The following LRRC56 variants were observed in gnomAD, a reference collection of about 807,000 sequenced individuals.
LRRC56 encodes leucine rich repeat containing 56.
Under a neutral mutation model 47.8 loss-of-function variants are expected in LRRC56, and 41 were observed. That is an observed-to-expected ratio of 0.86 (90% CI 0.67 to 1.11). The LOEUF is 1.11. Ranked by LOEUF, LRRC56 falls within the 50% of genes most tolerant of loss-of-function variation. The probability of loss-of-function intolerance (pLI) is 0.00; values close to 1 mark genes in which losing one functional copy is unlikely to be tolerated. For missense variants in LRRC56, 759 were observed against 704.2 expected, an observed-to-expected ratio of 1.08 and a Z score of -0.88; for synonymous variants, 387 against 311.2, an observed-to-expected ratio of 1.24 and a Z score of -2.56.
chr11:509,616 C>T, the LRRC56 span, among the ~76,000 whole-genome samples: 13 of 151,994 alleles, frequency 8.6e-5, no homozygotes, highest in Admixed American at 5.9e-4. Context: ...GGCGCGATCT[C>T]GGCTCACTGT....
chr11:533,474 C>T, upstream of LRRC56: 6 of 1,613,508 alleles, frequency 3.7e-6, no homozygotes, highest in Non-Finnish European at 5.1e-6. Flanking sequence ...TGGCCGAGGT[C>T]TCGATGTAGG....
chr11:532,884 C>CTGG, upstream of LRRC56: 1 of 889,222 alleles, frequency 1.1e-6, no homozygotes, highest in Non-Finnish European at 1.8e-6. Context: ...TTCCCCAGGC[C>CTGG]CACCACACAC....
chr11:548,522 A>G (rs1852203614), intron 6 of LRRC56, among the ~76,000 whole-genome samples: 1 of 152,166 alleles, frequency 6.6e-6, no homozygotes, highest in Non-Finnish European at 1.5e-5. Context: ...CAGTGGCGCA[A>G]TCTCAGCTCA....
the LRRC56 span, among the ~76,000 whole-genome samples, chr11:511,093 G>A: frequency 4.6e-5 from 7 of 152,064 alleles, no homozygotes; most frequent in Middle Eastern, 3.4e-3. Flanking sequence ...AGGCCGAGGC[G>A]GGCGGATCAC....
chr11:533,998 C>G (rs1172872020), upstream of LRRC56: 1 of 1,574,784 alleles, frequency 6.4e-7, no homozygotes, highest in East Asian at 2.2e-5. Context: ...GGGGGGAGTT[C>G]ACACAGCCAG....
chr11:551,711 A>G lies in LRRC56; in HGVS notation c.857A>G (p.Gln286Arg). The G allele has an allele frequency of 6.2e-7, 1 of 1,611,006 alleles. No homozygotes were observed. Among genetic ancestry groups the G allele is most frequent in the Non-Finnish European group, 8.5e-7 (1 of 1,179,046 alleles). ...LDPELSLPET[Q>R]SRASRPWPFS... ...CCCGAGCTGTCCCTGCCTGAGACGC[A>G]GTCCCGGGCCTCCAGGCCCTGGCCC... Residue 286 changes from glutamine to arginine, a missense_variant, in exon 10 of 14, where the codon CAG (glutamine) becomes CGG (arginine). By Grantham distance (43) the Gln-to-Arg change is conservative. Transcript: ENST00000270115.
upstream of LRRC56, among the ~76,000 whole-genome samples, chr11:535,752 G>A (rs1851460986): frequency 6.6e-6 from 1 of 152,234 alleles, no homozygotes; most frequent in Non-Finnish European, 1.5e-5. Flanking sequence ...CGGCCTCTCG[G>A]GGTTGGGCTT....
In LRRC56 at chr11:544,774, C is replaced by T. The variant is rs745333167; in HGVS notation, c.320C>T (p.Ser107Phe). ...QLKLNGSHLG[S>F]LRDLGTSLGH... ...AAGCTGAACGGCAGCCACCTGGGCT[C>T]CCTGAGGTGAGCGCCTGAGGGGGGT... The change falls in exon 6 of 14, where the codon TCC becomes TTC. Residue 107 changes from serine to phenylalanine, a missense_variant. Ser to Phe is a radical substitution (Grantham distance 155). Coordinates refer to ENST00000270115, the MANE Select transcript of LRRC56 (RefSeq NM_198075.4). 9 of 1,612,188 alleles carry T rather than the reference C, an allele frequency of 5.6e-6. No homozygotes were observed. The highest frequency in any genetic ancestry group is 1.7e-4 in the Middle Eastern group (1 of 6,060).
At chr11:510,486 C>T in the LRRC56 span, among the ~76,000 whole-genome samples, 26 of 152,196 alleles carry the variant, frequency 1.7e-4, no homozygotes, top group African/African-American at 5.3e-4. Flanking sequence ...ACCTGTAATC[C>T]CAGCATGTTG....
the LRRC56 span, among the ~76,000 whole-genome samples, chr11:526,709 G>A: frequency 6.6e-6 from 1 of 152,090 alleles, no homozygotes; most frequent in Non-Finnish European, 1.5e-5. Context: ...GGCCCAGGTG[G>A]GTGGATCACC....
the LRRC56 span, among the ~76,000 whole-genome samples, chr11:520,943 G>A: frequency 6.6e-6 from 1 of 152,196 alleles, no homozygotes; most frequent in African/African-American, 2.4e-5. Flanking sequence ...TTGAGACCGC[G>A]TCGGTTATTC....
At position 552,363 on chromosome 11, in the gene LRRC56, G is replaced by A. The variant is rs1589819242; in HGVS notation, c.1181+131G>A. On this transcript the variant is annotated intron_variant, in intron 12 of 13. Transcript: ENST00000270115. ...ATCCCTGCATGTCCTGTCCCGTGGG[G>A]GGATCAGGGCTGGGGCTACCTTGGC... 13 of 1,360,556 alleles carry A rather than the reference G, an allele frequency of 9.6e-6. No individual in the cohort carries two copies. In the East Asian group the frequency reaches 2.9e-4, roughly 30 times the overall value. 84.3% of individuals were successfully genotyped at this position (1,360,556 alleles called of 1,614,324 possible). A position where few individuals can be genotyped will look rare whatever the true frequency, so the allele number is the denominator to read the frequency against.
chr11:548,685 C>T (rs1468690857), intron 6 of LRRC56, among the ~76,000 whole-genome samples: 2 of 152,210 alleles, frequency 1.3e-5, no homozygotes, highest in Non-Finnish European at 2.9e-5. Flanking sequence ...GTCTAGATCT[C>T]CTGACCTCGT....
In LRRC56 at chr11:553,978, C is replaced by A. The variant is rs776447263; in HGVS notation, c.1331C>A (p.Ser444Ter). The stretch of plus-strand genomic sequence containing the variant: ...TGCTTTCTAGAGCCCTCCGGGACCT[C>A]GAGCCAGCACCTGGTCCCTTCACCT... The part of the protein sequence containing the change: ...PSLASEPSGT[S>*]SQHLVPSPPK... The change falls in exon 14 of 14, where the codon TCG (serine) becomes TAG (stop). Residue 444 changes from serine to a stop codon, truncating the protein, a stop_gained. Transcript: ENST00000270115. LOFTEE classifies it low-confidence loss of function (END_TRUNC). The A allele has an allele frequency of 6.2e-7, 1 of 1,611,962 alleles. No individual in the cohort carries two copies. The highest frequency in any genetic ancestry group is 8.5e-7 in the Non-Finnish European group (1 of 1,179,596).
intron 8 of LRRC56, 98 bp downstream of exon 8, chr11:550,370 C>T (rs909661203): frequency 1.2e-5 from 13 of 1,110,862 alleles, no homozygotes; most frequent in Admixed American, 8.3e-5. Flanking sequence ...TACTTCTGTG[C>T]CCACCCGCAC....
upstream of LRRC56, chr11:532,569 G>T: frequency 6.4e-7 from 1 of 1,574,366 alleles, no homozygotes. Context: ...CAGGAGACCG[G>T]CAGGGGCGGG....
At chr11:534,392 T>C (rs544830383), upstream of LRRC56, 23 of 1,314,918 alleles carry the variant, frequency 1.7e-5, 1 homozygote, top group East Asian at 5.2e-4. Flanking sequence ...AGGAGGGCCC[T>C]GCTCAGCCAG....
At chr11:549,476 G>T (rs1336757701) in intron 6 of LRRC56, among the ~76,000 whole-genome samples, 1 of 152,228 alleles carries the variant, frequency 6.6e-6, no homozygotes, top group African/African-American at 2.4e-5. Flanking sequence ...TCAGCACGGG[G>T]TCAGCCTCCA....
At chr11:524,562 C>T in the LRRC56 span, among the ~76,000 whole-genome samples, 7 of 151,742 alleles carry the variant, frequency 4.6e-5, no homozygotes, top group Admixed American at 2.0e-4. Context: ...ACCCGGGAGG[C>T]GGAGGTTGTA....
Sources: allele counts gnomAD v4.1 joint callset (sites outside exome capture counted in the v4.1 genomes callset), GRCh38; gene constraint gnomAD v4.1.1; transcripts MANE v1.5; gene names NCBI Gene and HGNC (gene_info 2026-07-23, HGNC 2026-07-21).